SATB1: variants seen among roughly 807,000 people sequenced by gnomAD.
SATB1 encodes DNA-binding protein SATB1.
Under a neutral mutation model 86.9 loss-of-function variants are expected in SATB1, and 11 were observed. The ratio of observed to expected loss-of-function variants is 0.13; its 90% CI spans 0.08 to 0.21. SATB1 has a LOEUF of 0.21. Ranked by LOEUF, SATB1 falls within the 10% of genes least tolerant of loss-of-function variation. The probability of loss-of-function intolerance (pLI) is 1.00; values close to 1 mark genes in which losing one functional copy is unlikely to be tolerated. For synonymous variants in SATB1, 357 were observed against 357.2 expected (o/e 1.00, Z 0.01); for missense variants, 551 against 937.6 (o/e 0.59, Z 5.39).
At chr3:18,404,075 C>T (rs1697400227) in intron 5 of SATB1, among the ~76,000 whole-genome samples, 1 of 152,028 alleles carries the variant, frequency 6.6e-6, no homozygotes, top group South Asian at 2.1e-4. Flanking sequence ...ACACCAAATA[C>T]TACAAACAAG....
intron 5 of SATB1, among the ~76,000 whole-genome samples, chr3:18,411,733 G>A (rs1344127924): frequency 6.6e-6 from 1 of 151,540 alleles, no homozygotes; most frequent in Non-Finnish European, 1.5e-5. Context: ...TCTAACCTCA[G>A]ACCTATAATG....
At chr3:18,411,102 C>A (rs1329403082) in intron 5 of SATB1, 3 of 381,934 alleles carry the variant, frequency 7.9e-6, no homozygotes, top group African/African-American at 4.2e-5. Flanking sequence ...AATATTACTT[C>A]TAAATGGAAT....
chr3:18,361,032 A>G (rs1694881967), intron 9 of SATB1, among the ~76,000 whole-genome samples: 1 of 152,056 alleles, frequency 6.6e-6, no homozygotes, highest in African/African-American at 2.4e-5. Flanking sequence ...AAATAACAGA[A>G]CAAGATGAAT....
intron 7 of SATB1, among the ~76,000 whole-genome samples, chr3:18,387,382 A>C (rs1467732070): frequency 6.6e-6 from 1 of 152,216 alleles, no homozygotes; most frequent in Non-Finnish European, 1.5e-5. Context: ...AAGAGTATCA[A>C]ATTCTGTAAT....
At chr3:18,418,046 A>G (rs1417834862) in intron 2 of SATB1, among the ~76,000 whole-genome samples, 2 of 152,170 alleles carry the variant, frequency 1.3e-5, no homozygotes, top group Non-Finnish European at 2.9e-5. Context: ...CAGACTTCCA[A>G]TGATAACGGA....
rs531268793 is a variant in SATB1 at position 18,401,097 on chromosome 3, ACTTCCCAAACCTCCTGCAGC to A, written c.640-3827_640-3808del. Among the ~76,000 whole-genome samples the A allele has an allele frequency of 6.0e-3, 910 of 152,176 alleles. 8 individuals are homozygous for A. The highest frequency in any genetic ancestry group is 0.021 in the African/African-American group (868 of 41,544). ...CCTTGCTTCCATGAGGCCTTTCCTA[ACTTCCCAAACCTCCTGCAGC>A]AGAGCACTCATCCTGCTGTTTATTT... On this transcript the variant is annotated intron_variant, in intron 5 of 10. Coordinates refer to ENST00000338745, the MANE Select transcript of SATB1 (RefSeq NM_002971.6).
chr3:18,352,687 C>T lies in SATB1; in HGVS notation c.1576-492G>A, dbSNP rs2125129817. 1 of 160,792 alleles carries T rather than the reference C, an allele frequency of 6.2e-6. No individual in the cohort carries two copies. Among genetic ancestry groups the T allele is most frequent in the South Asian group, 1.7e-4 (1 of 5,788 alleles). 10.0% of individuals were successfully genotyped at this position (160,792 alleles called of 1,614,324 possible). On this transcript the variant is annotated intron_variant, in intron 9 of 10. Transcript: ENST00000338745. This position sits in a 1 kb window ranked among gnomAD's most constrained non-coding sequence, Gnocchi z 4.1. ...TATTTATGTGTGTACATGTATGAAACAGAAAGGACAGGTGCAATTACACCA... is the reference window on the plus strand; with the variant it reads ...TATTTATGTGTGTACATGTATGAAATAGAAAGGACAGGTGCAATTACACCA...
chr3:18,373,177 G>A (rs1435914242), intron 9 of SATB1, among the ~76,000 whole-genome samples: 1 of 152,152 alleles, frequency 6.6e-6, no homozygotes, highest in East Asian at 1.9e-4. Flanking sequence ...AGAAGGCTTC[G>A]TTTGCCCAAG....
chr3:18,401,894 A>AG (rs1045615984), intron 5 of SATB1, among the ~76,000 whole-genome samples: 2 of 152,162 alleles, frequency 1.3e-5, no homozygotes, highest in African/African-American at 4.8e-5. Flanking sequence ...CCAGTACTCT[A>AG]GAATGATACC....
rs1034045428 is a variant in SATB1, at chr3:18,346,048, A to C, written c.*3122T>G. 6.6e-6 allele frequency: 1 copy of C among 152,278 alleles called. No individual in the cohort carries two copies. Among genetic ancestry groups the C allele is most frequent in the East Asian group, 1.9e-4 (1 of 5,186 alleles). 9.4% of individuals were successfully genotyped at this position (152,278 alleles called of 1,614,324 possible). Reference sequence around the variant, plus strand: ...TTAAACTCAGAATTTCTTAGTACTAAATGCTAACCAATACACATTTTATAC... The same window carrying C: ...TTAAACTCAGAATTTCTTAGTACTACATGCTAACCAATACACATTTTATAC... On this transcript the variant is annotated 3_prime_UTR_variant, in exon 11 of 11. Transcript: ENST00000338745.
At chr3:18,354,871 C>T (rs1451022066) in intron 9 of SATB1, among the ~76,000 whole-genome samples, 1 of 152,068 alleles carries the variant, frequency 6.6e-6, no homozygotes. Context: ...AAATATTTTG[C>T]TCATATTGTC....
At chr3:18,442,601 G>A (rs1214218776), upstream of SATB1, among the ~76,000 whole-genome samples, 1 of 152,150 alleles carries the variant, frequency 6.6e-6, no homozygotes, top group Non-Finnish European at 1.5e-5. Flanking sequence ...TTAATAATGT[G>A]CTTAACCAAG....
At chr3:18,436,925 T>C (rs1449941723) in intron 1 of SATB1, 2 of 152,196 alleles carry the variant, frequency 1.3e-5, no homozygotes, top group Non-Finnish European at 2.9e-5. Context: ...TTTGATAGAA[T>C]TGTCTAAGTA....
chr3:18,437,960 A>G (rs1699120330), intron 1 of SATB1, among the ~76,000 whole-genome samples: 1 of 152,294 alleles, frequency 6.6e-6, no homozygotes, highest in South Asian at 2.1e-4. Context: ...TTAATCCCCA[A>G]TGATTTCCAT....
At chr3:18,377,800 T>G (rs1036992278) in intron 9 of SATB1, among the ~76,000 whole-genome samples, 1 of 152,150 alleles carries the variant, frequency 6.6e-6, no homozygotes, top group Non-Finnish European at 1.5e-5. Context: ...TTTTGTAGCA[T>G]TTTAGTAGGA....
chr3:18,375,281 A>T (rs1052200956), intron 9 of SATB1, among the ~76,000 whole-genome samples: 6 of 152,214 alleles, frequency 3.9e-5, no homozygotes, highest in African/African-American at 1.4e-4. Flanking sequence ...TTATTATTTA[A>T]GAAACTCTCA....
Position 18,351,445 on chromosome 3 carries a change from C to G in SATB1, c.1779+547G>C, listed in dbSNP as rs747452838. The G allele has an allele frequency of 3.7e-5, 54 of 1,458,278 alleles. No individual in the cohort carries two copies. The Middle Eastern group carries it at 1.4e-3, about 37-fold the overall frequency. 90.3% of individuals were successfully genotyped at this position (1,458,278 alleles called of 1,614,324 possible). ...ACAAACAGAGATGACTCACCCCTAA[C>G]CTACATTCTGTAAAGTGTGGGGAGA... On this transcript the variant is annotated intron_variant, in intron 10 of 10. Coordinates refer to ENST00000338745, the MANE Select transcript of SATB1 (RefSeq NM_002971.6).
intron 3 of SATB1, 143 bp downstream of exon 3, chr3:18,416,759 C>T: frequency 2.5e-6 from 2 of 785,440 alleles, no homozygotes; most frequent in East Asian, 2.9e-5. Flanking sequence ...CTGAATTAAG[C>T]CAATTTTTTA....
Position 18,425,302 on chromosome 3 carries a change from A to T in SATB1, c.-1700T>A, listed in dbSNP as rs1198018721. Reference sequence around the variant, plus strand: ...GAGCCTTCCCCAGCGGGGCCGGCTCATCCGCCGCGTCCGGGGAACGGGAGC... The same window carrying T: ...GAGCCTTCCCCAGCGGGGCCGGCTCTTCCGCCGCGTCCGGGGAACGGGAGC... On this transcript the variant is annotated 5_prime_UTR_variant, in exon 1 of 11. It removes an upstream start codon present in the reference 5' UTR. Coordinates refer to ENST00000338745, the MANE Select transcript of SATB1 (RefSeq NM_002971.6). The T allele has an allele frequency of 1.3e-5, 2 of 154,296 alleles. No homozygotes were observed. Among genetic ancestry groups the T allele is most frequent in the African/African-American group, 4.9e-5 (2 of 41,182 alleles). 9.6% of individuals were successfully genotyped at this position (154,296 alleles called of 1,614,324 possible).
Sources: allele counts gnomAD v4.1 joint callset (sites outside exome capture counted in the v4.1 genomes callset), GRCh38; gene constraint gnomAD v4.1.1; non-coding constraint Gnocchi (gnomAD v3.1); transcripts MANE v1.5; gene names NCBI Gene and HGNC (gene_info 2026-07-23, HGNC 2026-07-21).